WASHC4: variants seen among roughly 807,000 people sequenced by gnomAD.
WASHC4 encodes WASH complex subunit 7.
Under a neutral mutation model 166.6 loss-of-function variants are expected in WASHC4, and 86 were observed. The ratio of observed to expected loss-of-function variants is 0.52; its 90% confidence interval spans 0.43 to 0.62. The LOEUF is 0.62. Among genes scored for constraint, WASHC4 ranks in the 20% least tolerant of loss-of-function variants. The probability of loss-of-function intolerance (pLI) is 0.00; values close to 1 mark genes in which losing one functional copy is unlikely to be tolerated. For synonymous variants in WASHC4, 446 were observed against 451.6 expected, an observed-to-expected ratio of 0.99 and a Z score of 0.16; for missense variants, 1,262 against 1,382.4, an observed-to-expected ratio of 0.91 and a Z score of 1.38.
intron 7 of WASHC4, among the ~76,000 whole-genome samples, chr12:105,120,202 C>T (rs536974801): frequency 6.6e-6 from 1 of 152,314 alleles, no homozygotes; most frequent in South Asian, 2.1e-4. Flanking sequence ...TAATATTTCT[C>T]TACCTTTATT....
At chr12:105,152,261 G>A (rs1306364870) in intron 25 of WASHC4, 82 bp from the exon 26 acceptor site, 2 of 738,864 alleles carry the variant, frequency 2.7e-6, no homozygotes, top group South Asian at 2.9e-5. Flanking sequence ...TGAAAGGAGA[G>A]TAGTATTGGC....
intron 14 of WASHC4, among the ~76,000 whole-genome samples, chr12:105,134,698 T>C (rs1194501659): frequency 1.3e-5 from 2 of 152,050 alleles, no homozygotes; most frequent in African/African-American, 4.8e-5. Context: ...TCCTTTCACT[T>C]GTGGCCTTCC....
In WASHC4 at chr12:105,109,859, C is replaced by G. The variant is rs564477109; in HGVS notation, c.62-1266C>G. Among the ~76,000 whole-genome samples, 3 of 152,246 alleles carry G rather than the reference C, an allele frequency of 2.0e-5. No homozygotes were observed. The South Asian group carries it at 6.2e-4, about 32-fold the overall frequency. On this transcript the variant is annotated intron_variant, in intron 1 of 32. Coordinates refer to ENST00000332180, the MANE Select transcript of WASHC4 (RefSeq NM_015275.3). ...TCCTGGTCTCAAGCGACCCACCGGC[C>G]TTGGCCTCCTAAAGTGTTGGGGTGA...
In WASHC4 at chr12:105,149,138, A is replaced by G. The variant is rs1036431894; in HGVS notation, c.2515-477A>G. The G allele has an allele frequency of 1.5e-5, 15 of 985,300 alleles. 1 individual carries two copies. The African/African-American group carries it at 2.3e-4, about 15-fold the overall frequency. The allele number at this position is 985,300 out of a possible 1,614,324, so 61.0% of individuals were successfully genotyped here. On this transcript the variant is annotated intron_variant, in intron 24 of 32. Transcript: ENST00000332180. ...CACGTTGCCTTGTGTGTAAGAGGTG[A>G]TTAGAAATATTTATGGATAGATAAT...
chr12:105,150,013 A>G (rs1205245966), intron 25 of WASHC4, among the ~76,000 whole-genome samples: 1 of 152,212 alleles, frequency 6.6e-6, no homozygotes, highest in Admixed American at 6.5e-5. Flanking sequence ...GAATGGATAA[A>G]CTGAATATCC....
Position 105,158,686 on chromosome 12 carries a change from G to A in WASHC4, c.2913-1315G>A, listed in dbSNP as rs368355754. ...AATAATTGGGGGACATTTGAACATG[G>A]ATTGTATATTAGTTAATACTGTATT... On this transcript the variant is annotated intron_variant, in intron 28 of 32. Coordinates refer to ENST00000332180, the MANE Select transcript of WASHC4 (RefSeq NM_015275.3). Among the ~76,000 whole-genome samples the A allele has an allele frequency of 3.6e-4, 55 of 152,290 alleles. 1 individual carries two copies. Among genetic ancestry groups the A allele is most frequent in the Middle Eastern group, 3.4e-3 (1 of 294 alleles).
rs1239723090 is a variant in WASHC4, at chr12:105,168,374, CATA to C, written c.*1448_*1450del. On this transcript the variant is annotated 3_prime_UTR_variant, in exon 33 of 33. Coordinates refer to ENST00000332180, the MANE Select transcript of WASHC4 (RefSeq NM_015275.3). ...TTAAAGGCATTTAATATTTGTAATTCATAATAACTGTAGAAATGGCCCTAAAGC... is the reference window on the plus strand; with the variant it reads ...TTAAAGGCATTTAATATTTGTAATTCATAACTGTAGAAATGGCCCTAAAGC... The C allele has an allele frequency of 2.0e-5, 3 of 152,398 alleles. No homozygotes were observed. Among genetic ancestry groups the C allele is most frequent in the East Asian group, 1.9e-4 (1 of 5,200 alleles). 9.4% of individuals were successfully genotyped at this position (152,398 alleles called of 1,614,324 possible). A position where few individuals can be genotyped will look rare whatever the true frequency, so the allele number is the denominator to read the frequency against.
intron 6 of WASHC4, among the ~76,000 whole-genome samples, chr12:105,116,881 C>T (rs1314797386): frequency 6.6e-6 from 1 of 152,126 alleles, no homozygotes; most frequent in African/African-American, 2.4e-5. Context: ...ATTGGGATTG[C>T]CAGGATCTGG....
At chr12:105,165,371 C>G (rs1248505489) in intron 32 of WASHC4, among the ~76,000 whole-genome samples, 1 of 152,148 alleles carries the variant, frequency 6.6e-6, no homozygotes, top group Admixed American at 6.5e-5. Flanking sequence ...ATTTAATGTC[C>G]CCATGATATA....
chr12:105,148,371 G>T (rs1258655888), intron 24 of WASHC4: 1 of 984,894 alleles, frequency 1.0e-6, no homozygotes, highest in Non-Finnish European at 1.2e-6. Context: ...TAACAGATGT[G>T]AATGTATTTT....
chr12:105,163,250 G>GCA (rs1884614919), intron 30 of WASHC4, among the ~76,000 whole-genome samples: 3 of 152,130 alleles, frequency 2.0e-5, no homozygotes, highest in Non-Finnish European at 2.9e-5. Context: ...GAGCCACCAT[G>GCA]CCCGGCCTAT....
rs1426232549 is a variant in WASHC4, at chr12:105,147,035, A to G, written c.2410-7A>G. 1.3e-6 allele frequency: 2 copies of G among 1,541,060 alleles called. No homozygotes were observed. The highest frequency in any genetic ancestry group is 2.2e-5 in the East Asian group (1 of 44,500). On this transcript the variant is annotated splice_region_variant and splice_polypyrimidine_tract_variant and intron_variant, in intron 23 of 32. Coordinates refer to ENST00000332180, the MANE Select transcript of WASHC4 (RefSeq NM_015275.3). Reference sequence around the variant, plus strand: ...TTGTTACTGAGCATAAATTTGTTTCATTGCAGATTTTTATTGAACGAACAA... The same window carrying G: ...TTGTTACTGAGCATAAATTTGTTTCGTTGCAGATTTTTATTGAACGAACAA...
intron 24 of WASHC4, chr12:105,147,585 C>T: frequency 3.0e-6 from 3 of 1,010,214 alleles, no homozygotes; most frequent in Non-Finnish European, 3.6e-6. Flanking sequence ...TAGGAACTTA[C>T]TAAAAATATA....
intron 28 of WASHC4, among the ~76,000 whole-genome samples, chr12:105,159,371 CAG>C (rs1408276093): frequency 6.6e-5 from 10 of 152,162 alleles, no homozygotes; most frequent in East Asian, 3.9e-4. Flanking sequence ...TCTGCATAGA[CAG>C]GGGAGAACTG....
intron 2 of WASHC4, among the ~76,000 whole-genome samples, chr12:105,112,168 T>C (rs1373191023): frequency 1.3e-5 from 2 of 152,246 alleles, no homozygotes; most frequent in Non-Finnish European, 2.9e-5. Flanking sequence ...TGCTCCTTTG[T>C]TGCTGGCTTC....
At chr12:105,110,999 AG>A in intron 1 of WASHC4, 125 bp from the exon 2 acceptor site, 1 of 694,646 alleles carries the variant, frequency 1.4e-6, no homozygotes, top group Non-Finnish European at 2.5e-6. Flanking sequence ...CTTTATTTTC[AG>A]GAAGTCCAGA....
chr12:105,156,823 T>C (rs1006246954), intron 27 of WASHC4, 31 bp downstream of exon 27: 24 of 1,515,576 alleles, frequency 1.6e-5, no homozygotes, highest in Non-Finnish European at 2.2e-5. Context: ...TTTGCCTTGT[T>C]TATGCCATTT....
chr12:105,128,772 TG>T (rs932872761), intron 13 of WASHC4, among the ~76,000 whole-genome samples: 6 of 79,506 alleles, frequency 7.5e-5, no homozygotes, highest in African/African-American at 2.6e-4. Context: ...AATTCCGTTT[TG>T]TTTTTTTTTT....
chr12:105,135,319 T>C (rs1458438262), intron 14 of WASHC4, among the ~76,000 whole-genome samples: 2 of 152,014 alleles, frequency 1.3e-5, no homozygotes, highest in Non-Finnish European at 2.9e-5. Flanking sequence ...CAAGTCTCTG[T>C]TGATGAATTG....
Sources: gnomAD v4.1 joint callset for allele counts (sites outside exome capture counted in the v4.1 genomes callset) on GRCh38, gnomAD v4.1.1 for gene constraint, MANE v1.5 for transcripts, NCBI Gene and HGNC (gene_info 2026-07-23, HGNC 2026-07-21) for gene names.